The following USH2A variants were observed in gnomAD, a reference collection of about 807,000 sequenced individuals.
USH2A encodes the protein Usher syndrome 2A (autosomal recessive, mild).
USH2A carries 443 observed loss-of-function variants against 538.9 expected under a neutral mutation model. That is an observed-to-expected ratio of 0.82 (90% confidence interval 0.76 to 0.89). The LOEUF (loss-of-function observed/expected upper bound fraction) is 0.89. USH2A is among the 40% of genes least tolerant of loss of function. The pLI is 0.00. For synonymous variants in USH2A, 2,413 were observed against 2,273.5 expected (o/e 1.06, Z -1.75); for missense variants, 6,633 against 6,324.8 (o/e 1.05, Z -1.65).
intron 49 of USH2A, among the ~76,000 whole-genome samples, chr1:215,802,490 A>G (rs1435362404): frequency 6.6e-6 from 1 of 152,098 alleles, no homozygotes; most frequent in African/African-American, 2.4e-5. Context: ...AAGACATACA[A>G]ATAGCCAATA....
At chr1:216,365,746 G>C (rs558758177) in intron 3 of USH2A, among the ~76,000 whole-genome samples, 1 of 151,962 alleles carries the variant, frequency 6.6e-6, no homozygotes, top group Admixed American at 6.5e-5. Context: ...TGGTTTTATG[G>C]GCCAAATGGT....
chr1:215,793,637 A>T (rs1188158126), intron 50 of USH2A, among the ~76,000 whole-genome samples: 1 of 152,120 alleles, frequency 6.6e-6, no homozygotes, highest in East Asian at 1.9e-4. Flanking sequence ...CCCTTACACC[A>T]TGGACTTCTG....
At chr1:216,418,474 T>C (rs1319035126) in intron 3 of USH2A, 40 bp downstream of exon 3, 12 of 1,603,264 alleles carry the variant, frequency 7.5e-6, no homozygotes, top group Non-Finnish European at 9.4e-6. Context: ...GACAAATCCT[T>C]GTGTTTAACC....
intron 67 of USH2A, among the ~76,000 whole-genome samples, chr1:215,643,371 GCATAAGTGGTATTTTAGAACCTGTAT>G (rs1335946330): frequency 1.5e-4 from 23 of 151,684 alleles, no homozygotes; most frequent in African/African-American, 5.6e-4. Flanking sequence ...GTTAAAAGTA[GCATAAGTGGTATTTTAGAACCTGTAT>G]CATAGTCATT....
At chr1:216,388,199 G>A (rs1207334466) in intron 3 of USH2A, among the ~76,000 whole-genome samples, 1 of 152,164 alleles carries the variant, frequency 6.6e-6, no homozygotes, top group African/African-American at 2.4e-5. Context: ...TAAGACAAGA[G>A]CATCTGTCCA....
intron 56 of USH2A, 69 bp from the exon 57 acceptor site, chr1:215,759,912 T>C (rs1322693758): frequency 2.5e-6 from 4 of 1,573,766 alleles, no homozygotes; most frequent in East Asian, 2.2e-5. Flanking sequence ...AGTCACACCA[T>C]CCCCCCCATG....
At chr1:216,125,506 G>A (rs2033234332) in intron 21 of USH2A, among the ~76,000 whole-genome samples, 1 of 152,212 alleles carries the variant, frequency 6.6e-6, no homozygotes, top group South Asian at 2.1e-4. Flanking sequence ...CACTACATTG[G>A]ATAGTGTGGA....
At chr1:215,648,067 A>AT (rs1420674772) in intron 66 of USH2A, among the ~76,000 whole-genome samples, 4 of 152,008 alleles carry the variant, frequency 2.6e-5, no homozygotes, top group African/African-American at 9.7e-5. Context: ...AGAGTAAATA[A>AT]TTTTTTTTCT....
chr1:216,174,553 G>T lies in USH2A; in HGVS notation c.4627+699C>A, dbSNP rs59704861. 7.3e-3 allele frequency: 7,164 copies of T among 982,690 alleles called. 318 individuals are homozygous for T. The African/African-American group carries it at 0.11, about 14-fold the overall frequency. The allele number at this position is 982,690 out of a possible 1,614,324, so 60.9% of individuals were successfully genotyped here. ...AATATTTTTATAGTGCTTTCACATT[G>T]ATTTTCATTTTTAAAAATATTGCAT... On this transcript the variant is annotated intron_variant, in intron 21 of 71. Coordinates refer to ENST00000307340, the MANE Select transcript of USH2A (RefSeq NM_206933.4).
At chr1:216,410,230 A>G (rs2039464857) in intron 3 of USH2A, among the ~76,000 whole-genome samples, 1 of 152,146 alleles carries the variant, frequency 6.6e-6, no homozygotes, top group South Asian at 2.1e-4. Flanking sequence ...AGAAAAAGGA[A>G]TGCTTAATAG....
chr1:216,078,131 G>C lies in USH2A; in HGVS notation c.5530C>G (p.Gln1844Glu), dbSNP rs761075303. ...NSPVYVGGIP[Q>E]ELLNSYQHLC... The stretch of plus-strand genomic sequence containing the variant: ...TGTTGATAAGAGTTCAGCAGTTCCT[G>C]TGGGATTCCTCCCACATAAACTGGT... The change falls in exon 27 of 72, where the codon CAG (glutamine) becomes GAG (glutamate). Residue 1844 changes from glutamine (Q) to glutamate (E), a missense_variant. Gln to Glu is a conservative substitution (Grantham distance 29, BLOSUM62 2). Transcript: ENST00000307340. 4.3e-6 allele frequency: 7 copies of C among 1,613,694 alleles called. No homozygotes were observed. Among genetic ancestry groups the C allele is most frequent in the Non-Finnish European group, 5.9e-6 (7 of 1,179,758 alleles).
Position 215,741,501 on chromosome 1 carries a change from G to C in USH2A, c.11585C>G (p.Thr3862Arg), listed in dbSNP as rs886044126. 8 of 1,612,658 alleles carry C rather than the reference G, an allele frequency of 5.0e-6. No individual in the cohort carries two copies. The highest frequency in any genetic ancestry group is 6.8e-6 in the Non-Finnish European group (8 of 1,179,700). Residue 3862 changes from threonine (T) to arginine (R), a missense_variant, in exon 60 of 72, where the codon ACA (threonine) becomes AGA (arginine). Transcript: ENST00000307340. ...AAGATCCATTGGGGCTGCTTCAGGT[G>C]TTTTGACAAACATCCTACTGCTAAC... ...CGVSSRMFVK[T>R]PEAAPMDLNS...
In USH2A at chr1:215,680,257, T is replaced by C. The variant is rs1373278549; in HGVS notation, c.12186A>G (p.Leu4062=). ...ILSPWTLIQT[L]ESSPSGLRNF... ...TTCTCAGTCCACTTGGGGAAGATTC[T>C]AAGGTTTGAATCAGAGTCCAAGGGC... The change falls in exon 62 of 72, where the codon TTA becomes TTG. Residue 4062 remains leucine, a synonymous_variant. Transcript: ENST00000307340. 1.2e-6 allele frequency: 2 copies of C among 1,614,174 alleles called. No individual in the cohort carries two copies. Among genetic ancestry groups the C allele is most frequent in the South Asian group, 2.2e-5 (2 of 91,086 alleles).
intron 43 of USH2A, among the ~76,000 whole-genome samples, chr1:215,872,259 T>C (rs1033270945): frequency 5.9e-5 from 9 of 152,188 alleles, no homozygotes; most frequent in African/African-American, 2.2e-4. Context: ...ATTGCTTAAG[T>C]CTATAGCTAT....
chr1:215,953,773 G>C (rs371693573), intron 37 of USH2A, among the ~76,000 whole-genome samples: 1 of 151,800 alleles, frequency 6.6e-6, no homozygotes, highest in African/African-American at 2.4e-5. Context: ...AGAGTGAACA[G>C]GCAACCTACA....
At chr1:215,970,159 T>C (rs1024838263) in intron 36 of USH2A, among the ~76,000 whole-genome samples, 5 of 152,206 alleles carry the variant, frequency 3.3e-5, no homozygotes, top group African/African-American at 1.2e-4. Context: ...CTGTATCACA[T>C]GAAACTATTT....
At chr1:215,994,054 T>C (rs964676898) in intron 34 of USH2A, among the ~76,000 whole-genome samples, 2 of 152,182 alleles carry the variant, frequency 1.3e-5, no homozygotes, top group Non-Finnish European at 2.9e-5. Context: ...TATATAACAA[T>C]GATATTTGAA....
intron 21 of USH2A, among the ~76,000 whole-genome samples, chr1:216,161,028 T>A (rs1356016809): frequency 6.6e-6 from 1 of 152,204 alleles, no homozygotes; most frequent in African/African-American, 2.4e-5. Flanking sequence ...TCTTAAAATC[T>A]ATCTATATAT....
At chr1:216,370,923 C>G (rs578175234) in intron 3 of USH2A, among the ~76,000 whole-genome samples, 4 of 152,050 alleles carry the variant, frequency 2.6e-5, no homozygotes, top group Admixed American at 6.6e-5. Flanking sequence ...ACTATAACCA[C>G]TTACTTACTA....
Sources: gnomAD v4.1 joint callset for allele counts (sites outside exome capture counted in the v4.1 genomes callset) on GRCh38, gnomAD v4.1.1 for gene constraint, MANE v1.5 for transcripts, NCBI Gene and HGNC (gene_info 2026-07-23, HGNC 2026-07-21) for gene names.